The following LY96 variants were observed in gnomAD, a reference collection of about 807,000 sequenced individuals.
LY96 encodes myeloid differentiation protein-2.
In LY96, 18 loss-of-function variants were observed where a neutral mutation model predicts 18.9. The observed-to-expected ratio is 0.95, with a 90% CI of 0.66 to 1.41. The LOEUF (loss-of-function observed/expected upper bound fraction) is 1.41, where lower values mean the gene tolerates loss of function less well. Among genes scored for constraint, LY96 ranks in the 40% most tolerant of loss-of-function variants. The pLI, the probability that LY96 is intolerant of heterozygous loss-of-function variation, is 0.00. For synonymous variants in LY96, 66 were observed against 62.6 expected, an observed-to-expected ratio of 1.06 and a Z score of -0.26; for missense variants, 175 against 182.4, an observed-to-expected ratio of 0.96 and a Z score of 0.23.
intron 3 of LY96, among the ~76,000 whole-genome samples, chr8:74,010,871 T>C (rs926758302): frequency 2.0e-5 from 3 of 150,278 alleles, no homozygotes; most frequent in Admixed American, 6.6e-5. Flanking sequence ...GTGTCATGCT[T>C]TCTCTTTGGA....
the LY96 span, among the ~76,000 whole-genome samples, chr8:74,063,050 A>C: frequency 8.5e-5 from 13 of 152,228 alleles, no homozygotes; most frequent in Non-Finnish European, 1.9e-4. Context: ...TCTCATAAAA[A>C]TAAAGTCAAG....
chr8:74,014,892 A>T (rs1031698197), intron 3 of LY96, among the ~76,000 whole-genome samples: 1 of 151,996 alleles, frequency 6.6e-6, no homozygotes, highest in Non-Finnish European at 1.5e-5. Context: ...CAATGGATGG[A>T]TATTTCAAAG....
the LY96 span, among the ~76,000 whole-genome samples, chr8:74,045,155 T>C: frequency 6.6e-6 from 1 of 152,192 alleles, no homozygotes; most frequent in Non-Finnish European, 1.5e-5. Flanking sequence ...ATGCAGAGGA[T>C]ACAAACAGAA....
the LY96 span, among the ~76,000 whole-genome samples, chr8:74,096,403 GT>G: frequency 6.6e-6 from 1 of 152,100 alleles, no homozygotes; most frequent in Admixed American, 6.5e-5. Context: ...TTCTAGATGT[GT>G]TTCTATTTTA....
the LY96 span, among the ~76,000 whole-genome samples, chr8:74,092,817 C>G: frequency 6.6e-6 from 1 of 152,128 alleles, no homozygotes; most frequent in Non-Finnish European, 1.5e-5. Context: ...TCCTGTTCAT[C>G]TTATCTCTGG....
At chr8:74,093,170 C>G in the LY96 span, among the ~76,000 whole-genome samples, 1 of 152,186 alleles carries the variant, frequency 6.6e-6, no homozygotes, top group East Asian at 1.9e-4. Flanking sequence ...CAGTGAACTC[C>G]TTCTGCAAGC....
the LY96 span, among the ~76,000 whole-genome samples, chr8:74,053,188 CT>C: frequency 6.6e-6 from 1 of 152,196 alleles, no homozygotes; most frequent in African/African-American, 2.4e-5. Flanking sequence ...TACTCCACTC[CT>C]TACTTTTGAT....
the LY96 span, among the ~76,000 whole-genome samples, chr8:74,047,597 G>A: frequency 6.6e-6 from 1 of 152,228 alleles, no homozygotes; most frequent in African/African-American, 2.4e-5. Flanking sequence ...CAGGGGACTG[G>A]TAAATAAGTT....
chr8:73,992,300 C>T (rs1420227429), intron 1 of LY96, among the ~76,000 whole-genome samples: 1 of 152,082 alleles, frequency 6.6e-6, no homozygotes, highest in Non-Finnish European at 1.5e-5. Flanking sequence ...TACTTTCCAC[C>T]GTGCTGCTTA....
chr8:74,060,420 T>C, the LY96 span, among the ~76,000 whole-genome samples: 3 of 152,258 alleles, frequency 2.0e-5, no homozygotes, highest in African/African-American at 4.8e-5. Context: ...ACCCTGACTT[T>C]CAGTCGGGGT....
chr8:74,001,075 A>C (rs1200283428), intron 1 of LY96, among the ~76,000 whole-genome samples: 1 of 152,220 alleles, frequency 6.6e-6, no homozygotes, highest in Non-Finnish European at 1.5e-5. Context: ...AACTTCAGGC[A>C]ATGCATTCAA....
the LY96 span, among the ~76,000 whole-genome samples, chr8:74,044,231 GA>G: frequency 5.3e-5 from 8 of 150,640 alleles, no homozygotes; most frequent in Non-Finnish European, 1.0e-4. Flanking sequence ...GCCCAGTCTG[GA>G]GTGCAGTGGC....
intron 1 of LY96, among the ~76,000 whole-genome samples, chr8:73,994,253 C>G (rs1816074973): frequency 6.6e-6 from 1 of 152,220 alleles, no homozygotes; most frequent in African/African-American, 2.4e-5. Flanking sequence ...GGGCAAGCCA[C>G]TGGAATACAC....
chr8:74,088,625 G>A, the LY96 span, among the ~76,000 whole-genome samples: 40 of 152,148 alleles, frequency 2.6e-4, no homozygotes, highest in Non-Finnish European at 4.7e-4. Flanking sequence ...TCACTCTGTC[G>A]TTCAGGCTGG....
the LY96 span, among the ~76,000 whole-genome samples, chr8:74,038,601 G>A: frequency 6.6e-6 from 1 of 152,106 alleles, no homozygotes; most frequent in Admixed American, 6.5e-5. Context: ...ATATTGACCA[G>A]GCTGGTCTTG....
intron 1 of LY96, among the ~76,000 whole-genome samples, chr8:73,998,623 C>T (rs773917829): frequency 1.1e-4 from 16 of 152,052 alleles, no homozygotes; most frequent in Non-Finnish European, 1.0e-4. Context: ...TTTGAGGTTG[C>T]CCTGAGCTAT....
At chr8:74,040,798 G>A in the LY96 span, among the ~76,000 whole-genome samples, 1 of 149,824 alleles carries the variant, frequency 6.7e-6, no homozygotes, top group African/African-American at 2.5e-5. Flanking sequence ...TACCTCCCGG[G>A]TTCAAGCAAT....
At chr8:74,093,974 T>G in the LY96 span, among the ~76,000 whole-genome samples, 8 of 152,308 alleles carry the variant, frequency 5.3e-5, no homozygotes, top group East Asian at 1.3e-3. Context: ...ATAGGCTACT[T>G]CTTAGTCAAG....
At chr8:74,082,684 A>G in the LY96 span, among the ~76,000 whole-genome samples, 93 of 152,136 alleles carry the variant, frequency 6.1e-4, 1 homozygote, top group Non-Finnish European at 8.4e-4. Context: ...TGAAGGGGAG[A>G]CTTCTTAAGG....
Sources: allele counts gnomAD v4.1 joint callset (sites outside exome capture counted in the v4.1 genomes callset), GRCh38; gene constraint gnomAD v4.1.1; transcripts MANE v1.5; gene names NCBI Gene and HGNC (gene_info 2026-07-23, HGNC 2026-07-21).